STK24: variants seen among roughly 807,000 people sequenced by gnomAD.
STK24 encodes serine/threonine kinase 24, also known as serine/threonine-protein kinase 24.
STK24 carries 21 observed loss-of-function variants against 55.6 expected under a neutral mutation model. That is an observed-to-expected ratio of 0.38 (90% CI 0.27 to 0.54). The LOEUF is 0.54. STK24 is among the 20% of genes least tolerant of loss of function. STK24 has a pLI of 0.79. For missense variants in STK24, 383 were observed against 538.4 expected, an observed-to-expected ratio of 0.71 and a Z score of 2.86; for synonymous variants, 200 against 215.2, an observed-to-expected ratio of 0.93 and a Z score of 0.62.
At position 98,479,356 on chromosome 13, in the gene STK24, C is replaced by T. The variant is rs1894502531; in HGVS notation, c.330+2909G>A. On this transcript the variant is annotated intron_variant, in intron 3 of 10. Coordinates refer to ENST00000539966, the MANE Select transcript of STK24 (RefSeq NM_001032296.4). ...ATGTGCATTCAAAATAAAATGTGTA[C>T]CTATTTTCTATTTTATATTCATGGC... Among the ~76,000 whole-genome samples the T allele has an allele frequency of 2.0e-5, 3 of 152,062 alleles. No individual in the cohort carries two copies. The South Asian group carries it at 6.2e-4, about 32-fold the overall frequency.
chr13:98,479,105 C>T (rs1024944999), intron 3 of STK24, among the ~76,000 whole-genome samples: 3 of 152,188 alleles, frequency 2.0e-5, no homozygotes, highest in African/African-American at 7.2e-5. Flanking sequence ...CAAAGACAGA[C>T]TGCATTTAAG....
At chr13:98,476,559 ACAGGAAGCATCCGACT>A (rs1422365260) in intron 3 of STK24, among the ~76,000 whole-genome samples, 2 of 152,374 alleles carry the variant, frequency 1.3e-5, no homozygotes, top group East Asian at 3.8e-4. Flanking sequence ...GCGCTCCTCC[ACAGGAAGCATCCGACT>A]CAGGCGTGCA....
intron 2 of STK24, among the ~76,000 whole-genome samples, chr13:98,486,045 G>T (rs1352594916): frequency 6.6e-6 from 1 of 152,116 alleles, no homozygotes; most frequent in Non-Finnish European, 1.5e-5. Context: ...ATCACACACT[G>T]GGGCCTGTCG....
chr13:98,528,155 C>T (rs1370076728), intron 1 of STK24, among the ~76,000 whole-genome samples: 1 of 152,152 alleles, frequency 6.6e-6, no homozygotes, highest in Non-Finnish European at 1.5e-5. Flanking sequence ...AGGACAGACC[C>T]GGGCCCATCA....
In STK24 at chr13:98,448,415, A is replaced by G. The variant is rs1892997938; in HGVS notation, c.*4758T>C. On this transcript the variant is annotated 3_prime_UTR_variant, in exon 11 of 11. Coordinates refer to ENST00000539966, the MANE Select transcript of STK24 (RefSeq NM_001032296.4). ...CTGGTAAAATTAACACCTGTCTGAA[A>G]ATCAAAAACATGGCTTCCCAGCAGC... The G allele has an allele frequency of 7.1e-6, 7 of 992,682 alleles. No individual in the cohort carries two copies. Among genetic ancestry groups the G allele is most frequent in the Non-Finnish European group, 9.6e-6 (6 of 626,816 alleles). 61.5% of individuals were successfully genotyped at this position (992,682 alleles called of 1,614,324 possible).
At position 98,466,888 on chromosome 13, in the gene STK24, G is replaced by A. The variant is rs78068548; in HGVS notation, c.598-327C>T. On this transcript the variant is annotated intron_variant, in intron 5 of 10. Transcript: ENST00000539966. Reference sequence around the variant, plus strand: ...AGAGGTGAGCAGAGAGGAGGAGTCCGGAGTGGGTGTACGCTCGCGAGTCAC... The same window carrying A: ...AGAGGTGAGCAGAGAGGAGGAGTCCAGAGTGGGTGTACGCTCGCGAGTCAC... Among the ~76,000 whole-genome samples the A allele has an allele frequency of 1.5e-3, 234 of 152,278 alleles. 3 individuals carry two copies. In the East Asian group the frequency reaches 0.039, roughly 25 times the overall value.
chr13:98,557,628 C>T (rs1049933981), intron 1 of STK24, among the ~76,000 whole-genome samples: 2 of 152,188 alleles, frequency 1.3e-5, no homozygotes, highest in African/African-American at 4.8e-5. Flanking sequence ...TGTCAACGCC[C>T]AAAATGGGTC....
intron 1 of STK24, among the ~76,000 whole-genome samples, chr13:98,565,464 T>G (rs1170533884): frequency 6.6e-6 from 1 of 151,970 alleles, no homozygotes; most frequent in African/African-American, 2.4e-5. Context: ...AAACCTTGTC[T>G]CTACTAAAAA....
At chr13:98,466,901 G>A (rs1255259807) in intron 5 of STK24, among the ~76,000 whole-genome samples, 1 of 152,282 alleles carries the variant, frequency 6.6e-6, no homozygotes, top group East Asian at 1.9e-4. Flanking sequence ...GTGGGTGTAC[G>A]CTCGCGAGTC....
intron 6 of STK24, 39 bp downstream of exon 6, chr13:98,466,337 G>A (rs376907908): frequency 4.4e-6 from 7 of 1,595,632 alleles, no homozygotes; most frequent in East Asian, 2.2e-5. Flanking sequence ...AAGTCAAGCC[G>A]CACATGAAGA....
At chr13:98,483,121 C>T (rs190653979) in intron 2 of STK24, among the ~76,000 whole-genome samples, 1 of 152,378 alleles carries the variant, frequency 6.6e-6, no homozygotes, top group African/African-American at 2.4e-5. Context: ...ACCTGTCCGC[C>T]CTCCTTGGGG....
At chr13:98,497,480 G>C (rs544710498) in intron 2 of STK24, among the ~76,000 whole-genome samples, 1 of 152,158 alleles carries the variant, frequency 6.6e-6, no homozygotes, top group African/African-American at 2.4e-5. Context: ...ATACAGTGAC[G>C]ATGCCCTAGT....
At chr13:98,553,052 G>A (rs567200781) in intron 1 of STK24, among the ~76,000 whole-genome samples, 2 of 152,254 alleles carry the variant, frequency 1.3e-5, no homozygotes, top group African/African-American at 4.8e-5. Context: ...GAGACCCCGT[G>A]GGTGTGGGAG....
Position 98,446,240 on chromosome 13 carries a change from C to A in STK24, c.*6933G>T. Reference sequence around the variant, plus strand: ...TCGCACAGGGCAGGTGGCCCTGGGACCTTGGGGGTGGCAGCATGAGGTGAG... The same window carrying A: ...TCGCACAGGGCAGGTGGCCCTGGGAACTTGGGGGTGGCAGCATGAGGTGAG... On this transcript the variant is annotated 3_prime_UTR_variant, in exon 11 of 11. Transcript: ENST00000539966. The A allele has an allele frequency of 7.0e-7, 1 of 1,438,392 alleles. No homozygotes were observed. Among genetic ancestry groups the A allele is most frequent in the Non-Finnish European group, 9.8e-7 (1 of 1,023,796 alleles). 89.1% of individuals were successfully genotyped at this position (1,438,392 alleles called of 1,614,324 possible). A position where few individuals can be genotyped will look rare whatever the true frequency, so the allele number is the denominator to read the frequency against.
intron 1 of STK24, among the ~76,000 whole-genome samples, chr13:98,523,247 G>A (rs1412636912): frequency 6.6e-6 from 1 of 152,156 alleles, no homozygotes; most frequent in Non-Finnish European, 1.5e-5. Context: ...ACCCCCTCCA[G>A]TAAACTGTCC....
chr13:98,448,360 G>A lies in STK24; in HGVS notation c.*4813C>T. ...TTCCGCAGTGGCTGCTTTCCTGGAA[G>A]ACGTTTCCTTTCTTCTGTATTAATG... On this transcript the variant is annotated 3_prime_UTR_variant, in exon 11 of 11. Transcript: ENST00000539966. 6.9e-7 allele frequency: 1 copy of A among 1,447,440 alleles called. No individual in the cohort carries two copies. The highest frequency in any genetic ancestry group is 9.7e-7 in the Non-Finnish European group (1 of 1,027,906). 89.7% of individuals were successfully genotyped at this position (1,447,440 alleles called of 1,614,324 possible).
At chr13:98,542,550 G>A (rs765772081) in intron 1 of STK24, among the ~76,000 whole-genome samples, 1 of 152,142 alleles carries the variant, frequency 6.6e-6, no homozygotes, top group Non-Finnish European at 1.5e-5. Flanking sequence ...TGTTTTTCAG[G>A]AAACCAGCAT....
chr13:98,500,627 C>A (rs1201330641), intron 2 of STK24, among the ~76,000 whole-genome samples: 1 of 148,484 alleles, frequency 6.7e-6, no homozygotes, highest in African/African-American at 2.5e-5. Flanking sequence ...ACCCCCACCC[C>A]CCACCACTCC....
intron 3 of STK24, among the ~76,000 whole-genome samples, chr13:98,480,585 C>A (rs1003161017): frequency 1.3e-5 from 2 of 151,994 alleles, no homozygotes; most frequent in African/African-American, 4.8e-5. Context: ...TTGAAATCTC[C>A]CTTTTTAATA....
Sources: allele counts gnomAD v4.1 joint callset (sites outside exome capture counted in the v4.1 genomes callset), GRCh38; gene constraint gnomAD v4.1.1; transcripts MANE v1.5; gene names NCBI Gene and HGNC (gene_info 2026-07-23, HGNC 2026-07-21).